The following WWC1 variants were observed in gnomAD, a reference collection of about 807,000 sequenced individuals.
WWC1 encodes WW and C2 domain containing 1.
Under a neutral mutation model 138.4 loss-of-function variants are expected in WWC1, and 55 were observed. That is an observed-to-expected ratio of 0.40 (90% CI 0.32 to 0.50). The LOEUF (loss-of-function observed/expected upper bound fraction) is 0.50, where lower values mean the gene tolerates loss of function less well. Among genes scored for constraint, WWC1 ranks in the 20% least tolerant of loss-of-function variants. The probability of loss-of-function intolerance (pLI) is 0.72; values close to 1 mark genes in which losing one functional copy is unlikely to be tolerated. For synonymous variants in WWC1, 524 were observed against 564.9 expected (o/e 0.93, Z 1.03); for missense variants, 1,226 against 1,420.4 (o/e 0.86, Z 2.20).
chr5:168,404,775 T>TA (rs955879390), intron 5 of WWC1, among the ~76,000 whole-genome samples: 13 of 152,186 alleles, frequency 8.5e-5, no homozygotes, highest in Admixed American at 2.0e-4. Context: ...GTGATGTAGT[T>TA]AAAATGCATC....
chr5:168,435,928 C>T (rs550775603), intron 15 of WWC1, among the ~76,000 whole-genome samples: 8 of 152,062 alleles, frequency 5.3e-5, no homozygotes, highest in Admixed American at 1.3e-4. Flanking sequence ...CTGCAACCTC[C>T]GCTTCCCGGG....
At chr5:168,406,354 G>A (rs376733253) in intron 6 of WWC1, 27 bp downstream of exon 6, 56 of 1,611,672 alleles carry the variant, frequency 3.5e-5, no homozygotes, top group Middle Eastern at 1.6e-4. Flanking sequence ...TGATGTGGGT[G>A]CCATCTTGAT....
chr5:168,453,266 A>G (rs941929308), intron 17 of WWC1, among the ~76,000 whole-genome samples: 2 of 152,218 alleles, frequency 1.3e-5, no homozygotes, highest in Non-Finnish European at 1.5e-5. Flanking sequence ...TGCATACAGC[A>G]TTGTGGATAA....
chr5:168,356,534 A>G (rs1775436160), intron 1 of WWC1, among the ~76,000 whole-genome samples: 1 of 152,234 alleles, frequency 6.6e-6, no homozygotes, highest in African/African-American at 2.4e-5. Context: ...TGATCTGGGA[A>G]TCGAATGTGA....
At chr5:168,456,554 C>CG (rs1265223125) in intron 19 of WWC1, among the ~76,000 whole-genome samples, 5 of 152,010 alleles carry the variant, frequency 3.3e-5, no homozygotes, top group Non-Finnish European at 7.4e-5. Context: ...TCCTTGAACC[C>CG]GGGGGGCAGA....
intron 1 of WWC1, among the ~76,000 whole-genome samples, chr5:168,322,895 C>A (rs1475237431): frequency 6.6e-6 from 1 of 152,132 alleles, no homozygotes; most frequent in Non-Finnish European, 1.5e-5. Context: ...ATAAATTAGG[C>A]ATCAAAACAA....
chr5:168,293,610 A>T (rs1769264286), intron 1 of WWC1, among the ~76,000 whole-genome samples: 1 of 152,176 alleles, frequency 6.6e-6, no homozygotes, highest in Non-Finnish European at 1.5e-5. Context: ...TTAGTGCTAG[A>T]GAGCATCTCT....
At position 168,445,097 on chromosome 5, in the gene WWC1, C is replaced by T. The variant is rs1755125738; in HGVS notation, c.2525+512C>T. ...TTGGGAAGCCGAGGTGGGTGGATCA[C>T]GACGTCAGGAGCTCGAGACCAGCCT... On this transcript the variant is annotated intron_variant, in intron 17 of 22. Coordinates refer to ENST00000265293, the MANE Select transcript of WWC1 (RefSeq NM_015238.3). Among the ~76,000 whole-genome samples the T allele has an allele frequency of 2.0e-5, 3 of 151,674 alleles. 1 individual carries two copies. Among genetic ancestry groups the T allele is most frequent in the East Asian group, 2.0e-4 (1 of 5,088 alleles).
chr5:168,407,794 C>T (rs1779909853), intron 6 of WWC1, among the ~76,000 whole-genome samples: 1 of 152,044 alleles, frequency 6.6e-6, no homozygotes, highest in South Asian at 2.1e-4. Context: ...GCTGTATTCA[C>T]TAGTGTTTTA....
intron 1 of WWC1, among the ~76,000 whole-genome samples, chr5:168,333,032 G>A (rs1463298477): frequency 6.6e-6 from 1 of 152,120 alleles, no homozygotes; most frequent in African/African-American, 2.4e-5. Flanking sequence ...ATTAAAAATG[G>A]TGGGGGAACC....
At chr5:168,462,844 C>A (rs1261233727) in intron 20 of WWC1, among the ~76,000 whole-genome samples, 1 of 152,254 alleles carries the variant, frequency 6.6e-6, no homozygotes, top group Non-Finnish European at 1.5e-5. Context: ...ACTTCTGAGA[C>A]TGGACAGACG....
rs1757273847 is a variant in WWC1 at position 168,466,070 on chromosome 5, C to A, written c.3150+1108C>A. On this transcript the variant is annotated intron_variant, in intron 21 of 22. Coordinates refer to ENST00000265293, the MANE Select transcript of WWC1 (RefSeq NM_015238.3). ...CCAAAGCACAGCAGCAGCTTGGGGT[C>A]TCTTATAGGCCCAGGGTTTATCTAT... is the stretch of plus-strand genomic sequence containing the variant. 1.3e-5 allele frequency among the ~76,000 whole-genome samples: 2 copies of A among 152,138 alleles called. 1 individual carries two copies. The highest frequency in any genetic ancestry group is 4.1e-4 in the South Asian group (2 of 4,828).
intron 1 of WWC1, among the ~76,000 whole-genome samples, chr5:168,305,611 A>G (rs1770486993): frequency 6.6e-6 from 1 of 152,052 alleles, no homozygotes; most frequent in Non-Finnish European, 1.5e-5. Context: ...AAACCACTTA[A>G]CCTTCCTGAG....
chr5:168,441,748 C>T lies in WWC1; in HGVS notation c.2347C>T (p.Leu783Phe), dbSNP rs112788518. The change falls in exon 16 of 23, where the codon CTT becomes TTT. Residue 783 changes from leucine to phenylalanine, a missense_variant. Transcript: ENST00000265293. ...SGERSTRWYNLLSYKYLKKQS... is the reference protein window; with the variant it reads ...SGERSTRWYNFLSYKYLKKQS... Reference sequence around the variant, plus strand: ...GGAGAGGTCGACTCGCTGGTACAACCTTCTCAGCTACAAATACTTGAAGAA... The same window carrying T: ...GGAGAGGTCGACTCGCTGGTACAACTTTCTCAGCTACAAATACTTGAAGAA... 6 of 1,614,212 alleles carry T rather than the reference C, an allele frequency of 3.7e-6. No homozygotes were observed. The highest frequency in any genetic ancestry group is 2.2e-5 in the East Asian group (1 of 44,878).
chr5:168,356,397 C>T (rs1360716769), intron 1 of WWC1, among the ~76,000 whole-genome samples: 2 of 152,240 alleles, frequency 1.3e-5, no homozygotes, highest in Non-Finnish European at 2.9e-5. Flanking sequence ...AAGGCTTTGC[C>T]CGCTCCCCTG....
intron 15 of WWC1, among the ~76,000 whole-genome samples, chr5:168,435,843 TC>T (rs957471412): frequency 5.9e-5 from 9 of 151,550 alleles, no homozygotes; most frequent in Admixed American, 5.2e-4. Context: ...CCCTCATCTT[TC>T]TTTTTTCTTT....
intron 3 of WWC1, among the ~76,000 whole-genome samples, chr5:168,386,350 G>T (rs1345573978): frequency 6.6e-6 from 1 of 151,124 alleles, no homozygotes; most frequent in Non-Finnish European, 1.5e-5. Flanking sequence ...CAAAGGAGGA[G>T]AGCAAGCATG....
intron 19 of WWC1, among the ~76,000 whole-genome samples, chr5:168,459,297 C>G (rs956784947): frequency 6.6e-6 from 1 of 151,860 alleles, no homozygotes; most frequent in African/African-American, 2.4e-5. Context: ...GAGAAAGCCC[C>G]CTTCTGGTAC....
chr5:168,412,456 C>G (rs1394100313), intron 8 of WWC1, among the ~76,000 whole-genome samples: 1 of 152,160 alleles, frequency 6.6e-6, no homozygotes, highest in Non-Finnish European at 1.5e-5. Context: ...ATTTAAGGAG[C>G]ATTGACATAG....
Sources: gnomAD v4.1 joint callset for allele counts (sites outside exome capture counted in the v4.1 genomes callset) on GRCh38, gnomAD v4.1.1 for gene constraint, MANE v1.5 for transcripts, NCBI Gene and HGNC (gene_info 2026-07-23, HGNC 2026-07-21) for gene names.